Variants in PARN observed in about 807,000 individuals in gnomAD.
PARN encodes the protein poly(A)-specific ribonuclease.
In PARN, 71 loss-of-function variants were observed where a neutral mutation model predicts 102.8. The observed-to-expected ratio is 0.69, with a 90% CI of 0.57 to 0.84. The LOEUF (loss-of-function observed/expected upper bound fraction) is 0.84. PARN is among the 40% of genes least tolerant of loss of function. The pLI is 0.00. For synonymous variants in PARN, 261 were observed against 252.9 expected, an observed-to-expected ratio of 1.03 and a Z score of -0.30; for missense variants, 782 against 760.9, an observed-to-expected ratio of 1.03 and a Z score of -0.33.
chr16:14,447,011 C>T lies in PARN; in HGVS notation c.1741G>A (p.Gly581Arg), dbSNP rs75007073. ...PSQEEAGLED[G>R]VSGEISDTEL... The stretch of plus-strand genomic sequence containing the variant: ...GTGTCGGAAATCTCCCCTGACACTC[C>T]GTCCTCCAGGCCAGCTTCCTCTTGA... Residue 581 changes from glycine to arginine, a missense_variant, in exon 23 of 24, where the codon GGA (glycine) becomes AGA (arginine). Transcript: ENST00000437198. 2,838 of 1,613,570 alleles carry T rather than the reference C, an allele frequency of 1.8e-3. 55 individuals are homozygous for T. In the East Asian group the frequency reaches 0.05, roughly 29 times the overall value.
intron 18 of PARN, among the ~76,000 whole-genome samples, chr16:14,571,079 CT>C (rs1236693845): frequency 6.6e-6 from 1 of 151,806 alleles, no homozygotes; most frequent in Non-Finnish European, 1.5e-5. Flanking sequence ...TCTTTACTTC[CT>C]TTTCCCAATA....
Position 14,630,242 on chromosome 16 carries a change from G to C in PARN, c.-117C>G, listed in dbSNP as rs912428339. ...CTGAGGCAGCCGCAGCGGTGACGCCGGCCGCGACTTCCGGAAACAGCGCGC... is the reference window on the plus strand; with the variant it reads ...CTGAGGCAGCCGCAGCGGTGACGCCCGCCGCGACTTCCGGAAACAGCGCGC... On this transcript the variant is annotated 5_prime_UTR_variant, in exon 1 of 24. Transcript: ENST00000437198. The C allele has an allele frequency of 1.1e-6, 1 of 896,720 alleles. No homozygotes were observed. Among genetic ancestry groups the C allele is most frequent in the African/African-American group, 1.7e-5 (1 of 57,482 alleles). The allele number at this position is 896,720 out of a possible 1,614,324, so 55.5% of individuals were successfully genotyped here. A position where few individuals can be genotyped will look rare whatever the true frequency, so the allele number is the denominator to read the frequency against.
chr16:14,625,828 A>G (rs1391216153), intron 5 of PARN, among the ~76,000 whole-genome samples: 2 of 152,326 alleles, frequency 1.3e-5, no homozygotes, highest in African/African-American at 4.8e-5. Context: ...GCAAGACTCA[A>G]ATGAATTCAT....
In PARN at chr16:14,574,848, C is replaced by T. The variant is rs180713212; in HGVS notation, c.1262+6026G>A. ...GTCAGAGGTCTTCAAGGCAGGCCCT[C>T]CCATCACAGGCCCAGAAGTTTAGGA... On this transcript the variant is annotated intron_variant, in intron 18 of 23. Coordinates refer to ENST00000437198, the MANE Select transcript of PARN (RefSeq NM_002582.4). Among the ~76,000 whole-genome samples, 1,206 of 152,324 alleles carry T rather than the reference C, an allele frequency of 7.9e-3. 6 individuals are homozygous for T. The highest frequency in any genetic ancestry group is 0.02 in the Middle Eastern group (6 of 294).
chr16:14,593,004 C>T (rs1034530261), intron 13 of PARN, among the ~76,000 whole-genome samples: 1 of 152,032 alleles, frequency 6.6e-6, no homozygotes, highest in Non-Finnish European at 1.5e-5. Context: ...GGCGTGGTGA[C>T]GGGTGCCTGT....
intron 5 of PARN, among the ~76,000 whole-genome samples, chr16:14,622,661 C>A (rs1200133437): frequency 6.6e-6 from 1 of 152,188 alleles, no homozygotes; most frequent in African/African-American, 2.4e-5. Flanking sequence ...CCCGCCCCCA[C>A]GCCTGGCTAA....
chr16:14,443,427 G>A (rs1961040464), intron 23 of PARN, among the ~76,000 whole-genome samples: 1 of 149,336 alleles, frequency 6.7e-6, no homozygotes, highest in Admixed American at 6.7e-5. Context: ...TGCAACCTCT[G>A]CCTCCCTGGT....
At chr16:14,483,268 G>A (rs1360035327) in intron 21 of PARN, among the ~76,000 whole-genome samples, 2 of 152,174 alleles carry the variant, frequency 1.3e-5, no homozygotes, top group Admixed American at 1.3e-4. Context: ...GCCAGTGGTG[G>A]CGATTACTGT....
At chr16:14,615,761 C>T (rs543004013) in intron 6 of PARN, among the ~76,000 whole-genome samples, 3 of 152,068 alleles carry the variant, frequency 2.0e-5, no homozygotes, top group East Asian at 3.9e-4. Flanking sequence ...ATTAGGTGTG[C>T]GTGGTGGCAT....
At chr16:14,450,049 A>AAAGT (rs1200771880) in intron 22 of PARN, among the ~76,000 whole-genome samples, 1 of 152,256 alleles carries the variant, frequency 6.6e-6, no homozygotes, top group Non-Finnish European at 1.5e-5. Flanking sequence ...AAAATACTGC[A>AAAGT]AAGTACCTAA....
At chr16:14,593,409 T>C in intron 12 of PARN, 31 bp from the exon 13 acceptor site, 1 of 1,144,564 alleles carries the variant, frequency 8.7e-7, no homozygotes, top group Non-Finnish European at 1.3e-6. Context: ...AAAAAAGACT[T>C]CTACATTCGA....
intron 23 of PARN, among the ~76,000 whole-genome samples, chr16:14,440,767 C>G (rs1490777668): frequency 6.6e-6 from 1 of 152,186 alleles, no homozygotes; most frequent in South Asian, 2.1e-4. Context: ...GGCTAACTAT[C>G]GCATGATTCC....
intron 6 of PARN, among the ~76,000 whole-genome samples, chr16:14,616,136 T>C (rs1196597292): frequency 2.6e-5 from 4 of 152,150 alleles, no homozygotes; most frequent in Non-Finnish European, 5.9e-5. Flanking sequence ...ACCTTGTACA[T>C]ACTTAATACC....
Position 14,606,477 on chromosome 16 carries a change from G to A in PARN, c.702+7C>T. The stretch of plus-strand genomic sequence containing the variant: ...TAATGTTAGCCCTAGATAATTCTTG[G>A]GGTTACCTTTTCAGTTTCTAAAGTC... On this transcript the variant is annotated splice_region_variant and intron_variant, in intron 10 of 23. Transcript: ENST00000437198. 4.6e-6 allele frequency: 7 copies of A among 1,537,014 alleles called. No homozygotes were observed. The highest frequency in any genetic ancestry group is 6.3e-6 in the Non-Finnish European group (7 of 1,118,530).
At chr16:14,507,250 T>C (rs545779633) in intron 21 of PARN, among the ~76,000 whole-genome samples, 61 of 151,190 alleles carry the variant, frequency 4.0e-4, no homozygotes, top group African/African-American at 1.3e-3. Context: ...CACTTGAACC[T>C]GGGAGGTGGA....
chr16:14,582,201 A>G lies in PARN; in HGVS notation c.1172T>C (p.Ile391Thr), dbSNP rs757040646. ...YDAYITGLCF[I>T]SMANYLGSFL... is the part of the protein sequence containing the mutation. ...CGTACCTAGGTAATTGGCCATGGAG[A>G]TGAAGCACAGCCCTGTGATGTAGGC... The change falls in exon 17 of 24, where the codon ATC becomes ACC. Residue 391 changes from isoleucine (I) to threonine (T), a missense_variant. Transcript: ENST00000437198. 6.2e-7 allele frequency: 1 copy of G among 1,610,068 alleles called. No homozygotes were observed. Among genetic ancestry groups the G allele is most frequent in the Non-Finnish European group, 8.5e-7 (1 of 1,176,254 alleles).
intron 5 of PARN, among the ~76,000 whole-genome samples, chr16:14,618,279 A>C (rs188998376): frequency 6.6e-6 from 1 of 151,874 alleles, no homozygotes; most frequent in Non-Finnish European, 1.5e-5. Flanking sequence ...CGAGGTCGGG[A>C]GATCAAGACC....
chr16:14,517,331 A>T (rs1442271327), intron 21 of PARN, among the ~76,000 whole-genome samples: 1 of 152,224 alleles, frequency 6.6e-6, no homozygotes, highest in African/African-American at 2.4e-5. Context: ...TTTGGTCACC[A>T]TGTGGACAAG....
At chr16:14,463,847 G>C (rs1437286302) in intron 22 of PARN, among the ~76,000 whole-genome samples, 1 of 140,574 alleles carries the variant, frequency 7.1e-6, no homozygotes, top group African/African-American at 2.7e-5. Context: ...TTGGGGGGGG[G>C]GGGACGACAA....
Sources: allele counts gnomAD v4.1 joint callset (sites outside exome capture counted in the v4.1 genomes callset), GRCh38; gene constraint gnomAD v4.1.1; transcripts MANE v1.5; gene names NCBI Gene and HGNC (gene_info 2026-07-23, HGNC 2026-07-21).